RBFOX1: variants seen among roughly 807,000 people sequenced by gnomAD.
RBFOX1 encodes RNA binding fox-1 homolog 1.
RBFOX1 carries 8 observed loss-of-function variants against 57.7 expected under a neutral mutation model. That is an observed-to-expected ratio of 0.14 (90% CI 0.08 to 0.25). The LOEUF (loss-of-function observed/expected upper bound fraction) is 0.25, where lower values mean the gene tolerates loss of function less well. Among genes scored for constraint, RBFOX1 ranks in the 10% least tolerant of loss-of-function variants. The probability of loss-of-function intolerance (pLI) is 1.00; values close to 1 mark genes in which losing one functional copy is unlikely to be tolerated. For synonymous variants in RBFOX1, 326 were observed against 222.4 expected (o/e 1.47, Z -4.15); for missense variants, 611 against 548.5 (o/e 1.11, Z -1.14).
At chr16:5,508,802 TG>T (rs1244037372) in intron 2 of RBFOX1, among the ~76,000 whole-genome samples, 2 of 152,226 alleles carry the variant, frequency 1.3e-5, no homozygotes, top group African/African-American at 4.8e-5. Flanking sequence ...GCAGTCAGGT[TG>T]GCAGAAGTCG....
At chr16:5,990,138 A>G (rs1231590972) in intron 4 of RBFOX1, among the ~76,000 whole-genome samples, 2 of 152,094 alleles carry the variant, frequency 1.3e-5, no homozygotes, top group Non-Finnish European at 2.9e-5. Context: ...GGCATGTGCC[A>G]CCGTACCTGG....
intron 3 of RBFOX1, among the ~76,000 whole-genome samples, chr16:5,859,420 G>T (rs1239797794): frequency 6.6e-6 from 1 of 152,152 alleles, no homozygotes. Context: ...AAAGATTTTT[G>T]TGTCCCTTTT....
chr16:6,299,042 C>T (rs138491729), intron 1 of RBFOX1, among the ~76,000 whole-genome samples: 41 of 152,304 alleles, frequency 2.7e-4, no homozygotes, highest in African/African-American at 7.9e-4. Context: ...GATACTTCAT[C>T]TCTGTTCCCA....
At chr16:6,964,051 C>T (rs1437699859) in intron 3 of RBFOX1, among the ~76,000 whole-genome samples, 1 of 151,804 alleles carries the variant, frequency 6.6e-6, no homozygotes, top group Non-Finnish European at 1.5e-5. Context: ...TGAAGTCTTG[C>T]TCTGTCACCC....
intron 3 of RBFOX1, among the ~76,000 whole-genome samples, chr16:5,806,658 T>A (rs890962614): frequency 1.8e-4 from 27 of 152,314 alleles, no homozygotes; most frequent in African/African-American, 6.3e-4. Context: ...AACCAGCTAT[T>A]GGAAGTTCAT....
intron 5 of RBFOX1, among the ~76,000 whole-genome samples, chr16:7,564,602 C>T (rs2091253495): frequency 6.7e-6 from 1 of 149,470 alleles, no homozygotes; most frequent in Non-Finnish European, 1.5e-5. Flanking sequence ...GAGGGCCCTT[C>T]CCAGGAGCTG....
At chr16:6,572,040 C>G (rs1053497264) in intron 2 of RBFOX1, among the ~76,000 whole-genome samples, 1 of 152,036 alleles carries the variant, frequency 6.6e-6, no homozygotes, top group Non-Finnish European at 1.5e-5. Context: ...CAGTTTTGTC[C>G]TAATATACAT....
chr16:5,921,295 T>C (rs796317692), intron 4 of RBFOX1, among the ~76,000 whole-genome samples: 1 of 152,158 alleles, frequency 6.6e-6, no homozygotes, highest in Admixed American at 6.5e-5. Flanking sequence ...TCTCCAGAGA[T>C]TGTCTTTCTT....
At position 5,620,414 on chromosome 16, in the gene RBFOX1, G is replaced by A. The variant is rs115158003; in HGVS notation, c.318+21453G>A. ...TACTTTCTGTTCTCAGTGCTGCGTT[G>A]GTTGGCTGGGGCTGCCATCACAGAT... On this transcript the variant is annotated intron_variant, in intron 3 of 19. Transcript: ENST00000641259. Among the ~76,000 whole-genome samples, 838 of 152,252 alleles carry A rather than the reference G, an allele frequency of 5.5e-3. 8 individuals carry two copies. Among genetic ancestry groups the A allele is most frequent in the African/African-American group, 0.019 (800 of 41,538 alleles).
chr16:5,774,350 C>G (rs2054078126), intron 3 of RBFOX1, among the ~76,000 whole-genome samples: 1 of 152,186 alleles, frequency 6.6e-6, no homozygotes, highest in African/African-American at 2.4e-5. Context: ...AATACTTGAT[C>G]ATATCATTTC....
At chr16:6,343,909 G>A (rs1001027532) in intron 2 of RBFOX1, among the ~76,000 whole-genome samples, 6 of 152,152 alleles carry the variant, frequency 3.9e-5, no homozygotes, top group Non-Finnish European at 8.8e-5. Flanking sequence ...TGCTTCTCAT[G>A]TAAATTGCTT....
chr16:5,698,356 G>A (rs567563894), intron 3 of RBFOX1, among the ~76,000 whole-genome samples: 62 of 151,802 alleles, frequency 4.1e-4, no homozygotes, highest in Non-Finnish European at 7.8e-4. Flanking sequence ...TTGCTTTTGG[G>A]GTGTGTATAT....
intron 3 of RBFOX1, among the ~76,000 whole-genome samples, chr16:7,023,214 T>G (rs987983929): frequency 2.6e-5 from 4 of 152,012 alleles, no homozygotes; most frequent in African/African-American, 9.7e-5. Context: ...TGGTAGCTCA[T>G]GACTATAATC....
intron 2 of RBFOX1, among the ~76,000 whole-genome samples, chr16:6,448,156 C>CTTTTTTTTTTTTTTTTTTTTTTTTT (rs397969435): frequency 1.3e-4 from 10 of 78,460 alleles, no homozygotes; most frequent in Admixed American, 2.0e-4. Context: ...TCTTTTCTTT[C>CTTTTTTTTTTTTTTTTTTTTTTTTT]TTTTTTTTTT....
chr16:7,342,043 T>G (rs138319526), intron 4 of RBFOX1, among the ~76,000 whole-genome samples: 1 of 152,072 alleles, frequency 6.6e-6, no homozygotes, highest in Non-Finnish European at 1.5e-5. Context: ...CATTCCACAT[T>G]GTTCTCAGGA....
At chr16:6,752,472 T>C (rs1448154340) in intron 3 of RBFOX1, among the ~76,000 whole-genome samples, 1 of 152,226 alleles carries the variant, frequency 6.6e-6, no homozygotes, top group Admixed American at 6.5e-5. Context: ...TATGACATGC[T>C]CTGTCGCTGG....
rs940692263 is a variant in RBFOX1 at position 7,423,805 on chromosome 16, C to G, written c.28-94342C>G. On this transcript the variant is annotated intron_variant, in intron 4 of 15. Coordinates refer to ENST00000550418, the MANE Select transcript of RBFOX1 (RefSeq NM_018723.4). ...AGGATTTCTTTCCCTCTCTGCAAAT[C>G]TCTCCCCTCCCGTAAATCAGCATGA... Among the ~76,000 whole-genome samples the G allele has an allele frequency of 5.3e-5, 8 of 152,232 alleles. No homozygotes were observed. In the South Asian group the frequency reaches 1.0e-3, roughly 20 times the overall value.
At chr16:6,772,298 A>G (rs947787333) in intron 3 of RBFOX1, among the ~76,000 whole-genome samples, 1 of 152,156 alleles carries the variant, frequency 6.6e-6, no homozygotes, top group African/African-American at 2.4e-5. Context: ...GCCTGACCCT[A>G]GTACAGAGGA....
intron 3 of RBFOX1, among the ~76,000 whole-genome samples, chr16:7,024,946 C>T (rs1299360372): frequency 1.3e-5 from 2 of 152,128 alleles, no homozygotes; most frequent in Admixed American, 6.5e-5. Flanking sequence ...CAGAGAGGAA[C>T]AGGACATTCA....
Sources: allele counts gnomAD v4.1 joint callset (sites outside exome capture counted in the v4.1 genomes callset), GRCh38; gene constraint gnomAD v4.1.1; transcripts MANE v1.5; gene names NCBI Gene and HGNC (gene_info 2026-07-23, HGNC 2026-07-21).